PRKN: variants seen among roughly 807,000 people sequenced by gnomAD.
The protein encoded by PRKN is parkin RBR E3 ubiquitin protein ligase, also known as E3 ubiquitin-protein ligase parkin.
PRKN carries 56 observed loss-of-function variants against 59.5 expected under a neutral mutation model. That is an observed-to-expected ratio of 0.94 (90% CI 0.76 to 1.18). The LOEUF is 1.18. Ranked by LOEUF, PRKN falls within the 50% of genes most tolerant of loss-of-function variation. PRKN has a pLI of 0.00. For missense variants in PRKN, 657 were observed against 596.4 expected (o/e 1.10, Z -1.06); for synonymous variants, 250 against 222.1 (o/e 1.13, Z -1.12).
intron 4 of PRKN, among the ~76,000 whole-genome samples, chr6:162,135,401 A>G (rs1781527543): frequency 2.0e-5 from 3 of 152,226 alleles, no homozygotes; most frequent in Admixed American, 2.0e-4. Flanking sequence ...ATGGAATCTG[A>G]GAAATTAGAA....
chr6:162,511,432 G>A (rs13194743), intron 1 of PRKN, among the ~76,000 whole-genome samples: 17,029 of 143,396 alleles, frequency 0.12, 1,331 homozygotes, highest in South Asian at 0.21. Flanking sequence ...ACACAGAACT[G>A]TACAGAATAC....
chr6:161,732,808 T>C (rs1255301759), intron 7 of PRKN, among the ~76,000 whole-genome samples: 1 of 152,138 alleles, frequency 6.6e-6, no homozygotes, highest in Admixed American at 6.5e-5. Context: ...CCAGGGTTCT[T>C]TGCATTGTCT....
At chr6:161,757,440 C>T (rs944823787) in intron 7 of PRKN, among the ~76,000 whole-genome samples, 6 of 152,036 alleles carry the variant, frequency 3.9e-5, no homozygotes, top group African/African-American at 4.8e-5. Flanking sequence ...CCAGCCTGAA[C>T]GACAGAGACT....
At chr6:162,163,795 T>C (rs1450290481) in intron 4 of PRKN, among the ~76,000 whole-genome samples, 1 of 134,532 alleles carries the variant, frequency 7.4e-6, no homozygotes, top group Non-Finnish European at 1.6e-5. Flanking sequence ...CATGCTGCAA[T>C]GATCCCCACA....
intron 5 of PRKN, among the ~76,000 whole-genome samples, chr6:162,026,573 G>C (rs1783442972): frequency 6.6e-6 from 1 of 152,176 alleles, no homozygotes; most frequent in African/African-American, 2.4e-5. Flanking sequence ...TTTCAGTCAA[G>C]ATGTTCTGAA....
At chr6:162,622,475 T>A (rs1317068065) in intron 1 of PRKN, among the ~76,000 whole-genome samples, 1 of 152,128 alleles carries the variant, frequency 6.6e-6, no homozygotes. Context: ...TGAGCCACCG[T>A]GCCTGGCCTT....
chr6:161,889,413 C>G (rs1053953219), intron 6 of PRKN, among the ~76,000 whole-genome samples: 1 of 152,184 alleles, frequency 6.6e-6, no homozygotes. Context: ...ACAACAGTCA[C>G]CACTGAGCAA....
intron 7 of PRKN, among the ~76,000 whole-genome samples, chr6:161,611,971 T>C (rs566978803): frequency 6.6e-6 from 1 of 152,340 alleles, no homozygotes; most frequent in Admixed American, 6.5e-5. Flanking sequence ...AGTTTGAGTG[T>C]TCTGGATAGG....
intron 4 of PRKN, among the ~76,000 whole-genome samples, chr6:162,190,875 T>C (rs1250376902): frequency 6.6e-6 from 1 of 152,206 alleles, no homozygotes; most frequent in East Asian, 1.9e-4. Context: ...ATTAACCCAC[T>C]GCCCTACAGA....
intron 1 of PRKN, among the ~76,000 whole-genome samples, chr6:162,568,110 A>C (rs1460005391): frequency 6.6e-6 from 1 of 152,218 alleles, no homozygotes; most frequent in Non-Finnish European, 1.5e-5. Context: ...TATAAAAATC[A>C]AAGCAAAATC....
intron 1 of PRKN, among the ~76,000 whole-genome samples, chr6:162,592,397 T>G (rs1781346857): frequency 6.6e-6 from 1 of 152,184 alleles, no homozygotes; most frequent in Non-Finnish European, 1.5e-5. Flanking sequence ...AATACTTGTT[T>G]CAGGGATGCA....
intron 6 of PRKN, among the ~76,000 whole-genome samples, chr6:161,900,968 T>C (rs991746903): frequency 2.0e-5 from 3 of 150,034 alleles, no homozygotes; most frequent in African/African-American, 7.4e-5. Context: ...CAGGCTGTAG[T>C]GCAGTGGTAT....
At chr6:161,976,976 T>G (rs1218790510) in intron 5 of PRKN, among the ~76,000 whole-genome samples, 4 of 152,198 alleles carry the variant, frequency 2.6e-5, no homozygotes, top group African/African-American at 9.7e-5. Context: ...AAATTACAGA[T>G]AGTTGAAAAA....
intron 1 of PRKN, among the ~76,000 whole-genome samples, chr6:162,594,326 C>T (rs13204439): frequency 1.3e-5 from 2 of 152,004 alleles, no homozygotes; most frequent in African/African-American, 4.8e-5. Context: ...GTAAAGACTG[C>T]AAATTCTAAA....
In PRKN at chr6:161,423,874, G is replaced by A. The variant is rs1788213444; in HGVS notation, c.1084-36997C>T. Among the ~76,000 whole-genome samples the A allele has an allele frequency of 6.6e-6, 1 of 152,172 alleles. No individual in the cohort carries two copies. Among genetic ancestry groups the A allele is most frequent in the African/African-American group, 2.4e-5 (1 of 41,428 alleles). ...TACAGGCAGTGCTGAACACAGATCA[G>A]TTAAATGAATGAATATGATCTTTAC... On this transcript the variant is annotated intron_variant, in intron 9 of 11. Transcript: ENST00000366898. The surrounding 1 kb of genome is among the most constrained non-coding windows in gnomAD (Gnocchi z 5.9).
chr6:162,197,742 C>T (rs1160234329), intron 4 of PRKN, among the ~76,000 whole-genome samples: 1 of 152,184 alleles, frequency 6.6e-6, no homozygotes, highest in Non-Finnish European at 1.5e-5. Flanking sequence ...AATCAGTACA[C>T]TGTAGTGAAG....
Position 161,359,706 on chromosome 6 carries a change from G to A in PRKN, c.1285+382C>T, listed in dbSNP as rs147887324. 7.6e-4 allele frequency among the ~76,000 whole-genome samples: 116 copies of A among 152,224 alleles called. No individual in the cohort carries two copies. Among genetic ancestry groups the A allele is most frequent in the Non-Finnish European group, 7.8e-4 (53 of 68,006 alleles). On this transcript the variant is annotated intron_variant, in intron 11 of 11. Coordinates refer to ENST00000366898, the MANE Select transcript of PRKN (RefSeq NM_004562.3). The surrounding 1 kb of genome is among the most constrained non-coding windows in gnomAD (Gnocchi z 5.4). ...TGGGGAAGGCTACAGACTGACGGCC[G>A]GCAGACAACAGGGTCATACGGTGCA...
At chr6:161,708,147 T>C (rs6931458) in intron 7 of PRKN, among the ~76,000 whole-genome samples, 5,691 of 152,130 alleles carry the variant, frequency 0.037, 378 homozygotes, top group African/African-American at 0.13. Flanking sequence ...ATAGAATTAG[T>C]GAATACTAAG....
chr6:161,439,734 C>T (rs2115082108), intron 9 of PRKN, among the ~76,000 whole-genome samples: 1 of 152,130 alleles, frequency 6.6e-6, no homozygotes, highest in African/African-American at 2.4e-5. Context: ...CGCATCTGAA[C>T]GTAATTCTTG....
Sources: gnomAD v4.1 joint callset for allele counts (sites outside exome capture counted in the v4.1 genomes callset) on GRCh38, gnomAD v4.1.1 for gene constraint, Gnocchi (gnomAD v3.1) non-coding constraint, MANE v1.5 for transcripts, NCBI Gene and HGNC (gene_info 2026-07-23, HGNC 2026-07-21) for gene names.